Variants in MTCL2 observed in about 807,000 individuals in gnomAD.
MTCL2 encodes microtubule cross-linking factor 2.
the MTCL2 span, among the ~76,000 whole-genome samples, chr20:36,840,407 A>C: frequency 6.6e-6 from 1 of 151,150 alleles, no homozygotes; most frequent in Non-Finnish European, 1.5e-5. Context: ...TGACCTCGTA[A>C]TCAGCCTGCC....
At chr20:36,856,029 C>T in the MTCL2 span, among the ~76,000 whole-genome samples, 1 of 152,162 alleles carries the variant, frequency 6.6e-6, no homozygotes, top group African/African-American at 2.4e-5. Flanking sequence ...GCAAGGTGCT[C>T]CCTTGGCTTG....
At chr20:36,844,787 G>A in the MTCL2 span, among the ~76,000 whole-genome samples, 6 of 152,122 alleles carry the variant, frequency 3.9e-5, no homozygotes, top group Admixed American at 2.0e-4. Flanking sequence ...TGGGGAGACC[G>A]AGGCGGGCGG....
At chr20:36,834,335 G>A in the MTCL2 span, among the ~76,000 whole-genome samples, 4 of 152,054 alleles carry the variant, frequency 2.6e-5, no homozygotes, top group Admixed American at 2.6e-4. Context: ...GGTCACCTAG[G>A]AATGAAACCC....
chr20:36,812,790 G>A, the MTCL2 span: 14 of 1,613,688 alleles, frequency 8.7e-6, no homozygotes, highest in Middle Eastern at 1.6e-4. Flanking sequence ...TCACCAGTGC[G>A]GAAAGCCTCT....
chr20:36,794,200 A>G, the MTCL2 span: 1 of 1,547,660 alleles, frequency 6.5e-7, no homozygotes. The surrounding 1 kb of genome is among the most constrained non-coding windows in gnomAD (Gnocchi z 5.4). Context: ...CAGCCAGCCC[A>G]TCAGCCTCGG....
the MTCL2 span, among the ~76,000 whole-genome samples, chr20:36,822,225 C>G: frequency 2.0e-5 from 3 of 152,272 alleles, no homozygotes; most frequent in East Asian, 3.8e-4. Flanking sequence ...CAGGGCCTGT[C>G]AGAGCCCCTT....
the MTCL2 span, among the ~76,000 whole-genome samples, chr20:36,853,705 GTGTGT>G: frequency 3.6e-4 from 4 of 11,078 alleles, no homozygotes; most frequent in South Asian, 2.8e-3. Flanking sequence ...AGGGAGGGGT[GTGTGT>G]GTGTGTGTGT....
chr20:36,783,877 A>C, the MTCL2 span: 1 of 985,450 alleles, frequency 1.0e-6, no homozygotes, highest in East Asian at 1.1e-4. Context: ...AACCAAACCA[A>C]TATTTACATG....
chr20:36,863,472 C>T, the MTCL2 span: 3 of 636,182 alleles, frequency 4.7e-6, no homozygotes, highest in South Asian at 1.5e-4. This position sits in a 1 kb window ranked among gnomAD's most constrained non-coding sequence, Gnocchi z 6.2. Context: ...CACCTCGGCC[C>T]CGACACCGCG....
At chr20:36,854,471 G>C in the MTCL2 span, among the ~76,000 whole-genome samples, 1 of 152,156 alleles carries the variant, frequency 6.6e-6, no homozygotes, top group African/African-American at 2.4e-5. Context: ...GGAAGGAGCC[G>C]GGAACTGCAA....
chr20:36,818,584 G>C, the MTCL2 span, among the ~76,000 whole-genome samples: 19 of 152,154 alleles, frequency 1.2e-4, no homozygotes, highest in African/African-American at 3.9e-4. Context: ...AGGATTGCTT[G>C]CATTGAGGAG....
chr20:36,849,751 CG>C, the MTCL2 span, among the ~76,000 whole-genome samples: 1 of 152,138 alleles, frequency 6.6e-6, no homozygotes, highest in Non-Finnish European at 1.5e-5. Flanking sequence ...CTGAGGACAG[CG>C]GGGGGAAGTT....
the MTCL2 span, among the ~76,000 whole-genome samples, chr20:36,790,019 T>G: frequency 2.1e-5 from 3 of 139,560 alleles, no homozygotes; most frequent in Admixed American, 7.6e-5. Context: ...TGAGATGGAG[T>G]CTCGCTCTGT....
the MTCL2 span, among the ~76,000 whole-genome samples, chr20:36,805,226 A>G: frequency 6.6e-6 from 1 of 152,152 alleles, no homozygotes; most frequent in African/African-American, 2.4e-5. Flanking sequence ...CTCCTCACTC[A>G]GGATCTGCCT....
the MTCL2 span, among the ~76,000 whole-genome samples, chr20:36,858,461 AAAACACACACACAC>A: frequency 0.042 from 1,770 of 42,160 alleles, 234 homozygotes; most frequent in Middle Eastern, 0.081. Context: ...CCAAGGAGGG[AAAACACACACACAC>A]ACACACACAC....
chr20:36,801,295 C>T, the MTCL2 span, among the ~76,000 whole-genome samples: 1 of 152,124 alleles, frequency 6.6e-6, no homozygotes, highest in African/African-American at 2.4e-5. Flanking sequence ...ACACTAGGAA[C>T]ACCAGGCACC....
chr20:36,822,418 C>T, the MTCL2 span, among the ~76,000 whole-genome samples: 2 of 152,246 alleles, frequency 1.3e-5, no homozygotes, highest in South Asian at 4.1e-4. Flanking sequence ...CAGGGGCTTC[C>T]CCACTCGCCA....
the MTCL2 span, among the ~76,000 whole-genome samples, chr20:36,797,212 G>T: frequency 6.6e-6 from 1 of 152,280 alleles, no homozygotes; most frequent in African/African-American, 2.4e-5. Flanking sequence ...ATCCAAATGT[G>T]GTGACTGCAA....
chr20:36,803,254 C>T, the MTCL2 span: 2 of 1,209,208 alleles, frequency 1.7e-6, no homozygotes, highest in Non-Finnish European at 2.2e-6. Context: ...GCTTAGTCCT[C>T]CCCACTCAGA....
Sources: allele counts gnomAD v4.1 joint callset (sites outside exome capture counted in the v4.1 genomes callset), GRCh38; gene constraint gnomAD v4.1.1; non-coding constraint Gnocchi (gnomAD v3.1); transcripts MANE v1.5; gene names NCBI Gene and HGNC (gene_info 2026-07-23, HGNC 2026-07-21).